Variants in ARGLU1 observed in about 807,000 individuals in gnomAD.
ARGLU1 encodes the protein arginine and glutamate rich 1.
A neutral mutation model predicts 37.6 loss-of-function variants in ARGLU1; 9 were observed. The observed-to-expected ratio is 0.24, with a 90% CI of 0.14 to 0.42. The LOEUF is 0.42. Ranked by LOEUF, ARGLU1 falls within the 10% of genes least tolerant of loss-of-function variation. ARGLU1 has a pLI of 1.00. For missense variants in ARGLU1, 211 were observed against 359.2 expected (o/e 0.59, Z 3.34); for synonymous variants, 166 against 138.5 (o/e 1.20, Z -1.39).
rs2138979977 is a variant in ARGLU1, at chr13:106,567,732, G to A, written c.188C>T (p.Thr63Met). 3 of 1,612,334 alleles carry A rather than the reference G, an allele frequency of 1.9e-6. No individual in the cohort carries two copies. Among genetic ancestry groups the A allele is most frequent in the Non-Finnish European group, 2.5e-6 (3 of 1,179,276 alleles). ...ESRSRSRSTN[T>M]AVSRRERDRE... ...GTCCCGCTCGCGCCGGGACACGGCC[G>A]TGTTGGTGGAGCGCGAACGGGACCG... is the stretch of plus-strand genomic sequence containing the variant. Residue 63 changes from threonine to methionine, a missense_variant, in exon 1 of 4, where the codon ACG (threonine) becomes ATG (methionine). This residue lies in a region of ARGLU1 where 130 missense variants were observed against 179.8 expected (regional missense o/e 0.72). Coordinates refer to ENST00000400198, the MANE Select transcript of ARGLU1 (RefSeq NM_018011.4). The surrounding 1 kb of genome is among the most constrained non-coding windows in gnomAD (Gnocchi z 4.3).
chr13:106,555,077 G>A (rs1880629587), intron 3 of ARGLU1, among the ~76,000 whole-genome samples: 1 of 151,450 alleles, frequency 6.6e-6, no homozygotes, highest in Admixed American at 6.6e-5. Flanking sequence ...GTCACTCTGG[G>A]CCAGGAGCGG....
At chr13:106,548,086 G>T (rs1306797922) in intron 3 of ARGLU1, among the ~76,000 whole-genome samples, 2 of 152,084 alleles carry the variant, frequency 1.3e-5, no homozygotes, top group East Asian at 3.9e-4. Flanking sequence ...TTAATGCAAT[G>T]ATTTAAAAAT....
rs556545441 is a variant in ARGLU1, at chr13:106,550,739, A to G, written c.657+6309T>C. On this transcript the variant is annotated intron_variant, in intron 3 of 3. Coordinates refer to ENST00000400198, the MANE Select transcript of ARGLU1 (RefSeq NM_018011.4). ...ACTTCCTCCAGAGGTTCTATGGGAG[A>G]ATCTGTTCCCTGCCTCTTCCAGCTT... is the stretch of plus-strand genomic sequence containing the variant. 9.7e-4 allele frequency among the ~76,000 whole-genome samples: 147 copies of G among 152,232 alleles called. 1 individual carries two copies. The highest frequency in any genetic ancestry group is 3.4e-3 in the African/African-American group (143 of 41,550).
rs1488837889 is a variant in ARGLU1, at chr13:106,541,754, CAA to C, written c.*2240_*2241del. ...AACTACATACTGTAATAAAAATAAA[CAA>C]AGTCATACTTAATTCTATAATGCAT... On this transcript the variant is annotated 3_prime_UTR_variant, in exon 4 of 4. Coordinates refer to ENST00000400198, the MANE Select transcript of ARGLU1 (RefSeq NM_018011.4). The C allele has an allele frequency of 2.0e-5, 3 of 148,734 alleles. No individual in the cohort carries two copies. The highest frequency in any genetic ancestry group is 2.1e-4 in the South Asian group (1 of 4,794). The allele number at this position is 148,734 out of a possible 1,614,324, so 9.2% of individuals were successfully genotyped here.
intron 1 of ARGLU1, chr13:106,561,809 A>T (rs576047934): frequency 1.3e-4 from 20 of 152,200 alleles, no homozygotes; most frequent in Non-Finnish European, 2.8e-4. Flanking sequence ...TAAGGAGAAA[A>T]TGAGCCAAAT....
In ARGLU1 at chr13:106,557,147, T is replaced by C; in HGVS notation, c.574-16A>G. On this transcript the variant is annotated splice_polypyrimidine_tract_variant and intron_variant, in intron 2 of 3. Coordinates refer to ENST00000400198, the MANE Select transcript of ARGLU1 (RefSeq NM_018011.4). The surrounding 1 kb of genome is among the most constrained non-coding windows in gnomAD (Gnocchi z 5.0). Reference sequence around the variant, plus strand: ...GTTCTTCCTCCTAAAGGGGAGGATATGTTAAGATATTAGAAAAACAAAATG... The same window carrying C: ...GTTCTTCCTCCTAAAGGGGAGGATACGTTAAGATATTAGAAAAACAAAATG... 1 of 1,582,326 alleles carries C rather than the reference T, an allele frequency of 6.3e-7. No individual in the cohort carries two copies.
At chr13:106,555,017 T>A (rs564408673) in intron 3 of ARGLU1, among the ~76,000 whole-genome samples, 12 of 152,152 alleles carry the variant, frequency 7.9e-5, no homozygotes, top group Non-Finnish European at 1.5e-4. Flanking sequence ...TCTTTTTCCC[T>A]AAGATATGTT....
chr13:106,555,258 G>A (rs1880632923), intron 3 of ARGLU1, among the ~76,000 whole-genome samples: 1 of 152,140 alleles, frequency 6.6e-6, no homozygotes, highest in Non-Finnish European at 1.5e-5. Flanking sequence ...TCGGGAGGCT[G>A]AGGCAGGAGA....
chr13:106,567,008 T>G lies in ARGLU1; in HGVS notation c.347+565A>C, dbSNP rs554655755. Among the ~76,000 whole-genome samples, 2 of 152,056 alleles carry G rather than the reference T, an allele frequency of 1.3e-5. No homozygotes were observed. The highest frequency in any genetic ancestry group is 4.8e-5 in the African/African-American group (2 of 41,472). On this transcript the variant is annotated intron_variant, in intron 1 of 3. Transcript: ENST00000400198. The surrounding 1 kb of genome is among the most constrained non-coding windows in gnomAD (Gnocchi z 4.3). ...GGGGAAAAAAGCAATCCCAACACCT[T>G]AACAACAGGAATACACTAAAGTGAA... is the stretch of plus-strand genomic sequence containing the variant.
intron 1 of ARGLU1, among the ~76,000 whole-genome samples, chr13:106,564,810 G>A (rs935598849): frequency 6.6e-6 from 1 of 152,124 alleles, no homozygotes; most frequent in African/African-American, 2.4e-5. Context: ...CACAGTGAAG[G>A]CACCATTCTC....
intron 1 of ARGLU1, among the ~76,000 whole-genome samples, chr13:106,561,414 TAATA>T (rs1290581355): frequency 1.5e-5 from 2 of 130,992 alleles, no homozygotes; most frequent in Non-Finnish European, 3.2e-5. Flanking sequence ...AAATTTCTCA[TAATA>T]AAGTGTACAC....
chr13:106,545,369 A>G (rs914336118), intron 3 of ARGLU1, among the ~76,000 whole-genome samples: 1 of 152,172 alleles, frequency 6.6e-6, no homozygotes, highest in African/African-American at 2.4e-5. Context: ...TTCAAAGTCA[A>G]ATTTTAGGTC....
chr13:106,549,157 G>C (rs1479740868), intron 3 of ARGLU1, among the ~76,000 whole-genome samples: 2 of 152,148 alleles, frequency 1.3e-5, no homozygotes, highest in African/African-American at 4.8e-5. Context: ...GTAGTTCTTA[G>C]CAACAGTCCC....
chr13:106,562,784 G>T (rs938064005), intron 1 of ARGLU1, among the ~76,000 whole-genome samples: 3 of 150,498 alleles, frequency 2.0e-5, no homozygotes, highest in Non-Finnish European at 4.4e-5. Context: ...GAGGTCAGGA[G>T]ATCGAGACCA....
chr13:106,566,232 T>C (rs1880959624), intron 1 of ARGLU1, among the ~76,000 whole-genome samples: 1 of 152,228 alleles, frequency 6.6e-6, no homozygotes, highest in South Asian at 2.1e-4. Flanking sequence ...TAAAGGAGTG[T>C]TGGAAGCAAA....
chr13:106,548,625 G>A (rs557887306), intron 3 of ARGLU1, among the ~76,000 whole-genome samples: 1 of 152,194 alleles, frequency 6.6e-6, no homozygotes, highest in Admixed American at 6.5e-5. Context: ...ATCTCACAAA[G>A]GTGGCTTTCA....
intron 1 of ARGLU1, among the ~76,000 whole-genome samples, chr13:106,561,578 T>A (rs1880804092): frequency 6.6e-6 from 1 of 152,092 alleles, no homozygotes; most frequent in Non-Finnish European, 1.5e-5. Flanking sequence ...ACTAGGTGGA[T>A]CATAGTACCG....
At chr13:106,560,915 ACTCTATT>A (rs1425202296) in intron 1 of ARGLU1, among the ~76,000 whole-genome samples, 1 of 152,024 alleles carries the variant, frequency 6.6e-6, no homozygotes, top group East Asian at 1.9e-4. Flanking sequence ...CTTCAACTCA[ACTCTATT>A]CTTCGGGATG....
chr13:106,552,705 A>G (rs1880560615), intron 3 of ARGLU1, among the ~76,000 whole-genome samples: 1 of 152,248 alleles, frequency 6.6e-6, no homozygotes, highest in Non-Finnish European at 1.5e-5. Context: ...TATTTTTAAC[A>G]AAAGAAAATT....
Sources: gnomAD v4.1 joint callset for allele counts (sites outside exome capture counted in the v4.1 genomes callset) on GRCh38, gnomAD v4.1.1 for gene constraint, gnomAD v4.1.1 regional missense constraint, Gnocchi (gnomAD v3.1) non-coding constraint, MANE v1.5 for transcripts, NCBI Gene and HGNC (gene_info 2026-07-23, HGNC 2026-07-21) for gene names.